The following SIK2 variants were observed in gnomAD, a reference collection of about 807,000 sequenced individuals.
SIK2 encodes the protein salt inducible kinase 2, also known as serine/threonine-protein kinase SIK2.
A neutral mutation model predicts 103.2 loss-of-function variants in SIK2; 29 were observed. That is an observed-to-expected ratio of 0.28 (90% CI 0.21 to 0.38). The LOEUF (loss-of-function observed/expected upper bound fraction) is 0.38, where lower values mean the gene tolerates loss of function less well. SIK2 is among the 10% of genes least tolerant of loss of function. The pLI, the probability that SIK2 is intolerant of heterozygous loss-of-function variation, is 1.00. For missense variants in SIK2, 879 were observed against 1,171.0 expected (o/e 0.75, Z 3.64); for synonymous variants, 412 against 446.1 (o/e 0.92, Z 0.96).
At chr11:111,679,053 A>G (rs1942744522) in intron 3 of SIK2, among the ~76,000 whole-genome samples, 1 of 152,232 alleles carries the variant, frequency 6.6e-6, no homozygotes, top group Non-Finnish European at 1.5e-5. Flanking sequence ...ACATTTTGAA[A>G]TCTTCCTAAG....
intron 3 of SIK2, among the ~76,000 whole-genome samples, chr11:111,674,749 ATTT>A (rs1205063442): frequency 6.9e-6 from 1 of 145,510 alleles, no homozygotes. Context: ...TACTGTGATA[ATTT>A]TTTTTTTTTT....
intron 3 of SIK2, among the ~76,000 whole-genome samples, chr11:111,632,431 C>T (rs1942051930): frequency 6.6e-6 from 1 of 152,128 alleles, no homozygotes; most frequent in Non-Finnish European, 1.5e-5. Context: ...TCTATATACC[C>T]TACCCTTAAA....
At position 111,723,982 on chromosome 11, in the gene SIK2, G is replaced by A. The variant is rs117627222; in HGVS notation, c.2634G>A (p.Thr878=). Residue 878 remains threonine, a synonymous_variant, in exon 15 of 15, where the codon ACG becomes ACA. Transcript: ENST00000304987. ...ATGGAGCCCAGCAGAGCGACCTAAC[G>A]GGGCCAGACTGTCCCAGAAGCCCAG... ...PVDGAQQSDL[T]GPDCPRSPGL... The A allele has an allele frequency of 2.7e-4, 435 of 1,614,108 alleles. 3 individuals carry two copies. The East Asian group carries it at 7.3e-3, about 27-fold the overall frequency.
At chr11:111,673,832 G>A (rs954219249) in intron 3 of SIK2, among the ~76,000 whole-genome samples, 7 of 152,102 alleles carry the variant, frequency 4.6e-5, no homozygotes, top group Non-Finnish European at 1.0e-4. Context: ...CCTAGCATTT[G>A]GGAGGCCAAG....
chr11:111,681,797 CCCCTA>C (rs1332274911), intron 3 of SIK2, among the ~76,000 whole-genome samples: 1 of 152,128 alleles, frequency 6.6e-6, no homozygotes, highest in African/African-American at 2.4e-5. Flanking sequence ...AATTTTGCAA[CCCCTA>C]ATGAAATCAT....
intron 2 of SIK2, among the ~76,000 whole-genome samples, chr11:111,619,693 G>T (rs923772321): frequency 3.3e-5 from 5 of 152,124 alleles, no homozygotes; most frequent in Non-Finnish European, 7.3e-5. Flanking sequence ...TGAAAAATCA[G>T]ATGTATGACG....
intron 3 of SIK2, among the ~76,000 whole-genome samples, chr11:111,654,976 T>C (rs1001195817): frequency 1.3e-5 from 2 of 152,266 alleles, no homozygotes; most frequent in Non-Finnish European, 2.9e-5. Flanking sequence ...GATTTCAGAA[T>C]ACATTACAAT....
At chr11:111,620,069 G>A (rs989227268) in intron 2 of SIK2, among the ~76,000 whole-genome samples, 4 of 152,164 alleles carry the variant, frequency 2.6e-5, no homozygotes, top group African/African-American at 7.2e-5. Context: ...GTATGTCTGG[G>A]ATGGGGCCTG....
At position 111,644,663 on chromosome 11, in the gene SIK2, CAG is replaced by C. The variant is rs1305376755; in HGVS notation, c.316+24263_316+24264del. ...TGAAGAAGAGGAAAACTAAAAAGCTCAGAAACTGTTATGAAGTTTTGCTGCCA... is the reference window on the plus strand; with the variant it reads ...TGAAGAAGAGGAAAACTAAAAAGCTCAAACTGTTATGAAGTTTTGCTGCCA... On this transcript the variant is annotated intron_variant, in intron 3 of 14. Coordinates refer to ENST00000304987, the MANE Select transcript of SIK2 (RefSeq NM_015191.3). Among the ~76,000 whole-genome samples, 4 of 152,112 alleles carry C rather than the reference CAG, an allele frequency of 2.6e-5. No individual in the cohort carries two copies. In the South Asian group the frequency reaches 6.2e-4, roughly 24 times the overall value.
chr11:111,672,416 G>A, intron 3 of SIK2: 1 of 359,148 alleles, frequency 2.8e-6, no homozygotes, highest in South Asian at 8.0e-5. Flanking sequence ...GTGGAGGCAG[G>A]AGTGGCCAAA....
intron 9 of SIK2, among the ~76,000 whole-genome samples, chr11:111,713,101 G>A (rs1190329920): frequency 1.3e-5 from 2 of 152,330 alleles, no homozygotes; most frequent in South Asian, 2.1e-4. Flanking sequence ...GGGGGCCGAG[G>A]TGGCAGTGAG....
intron 3 of SIK2, among the ~76,000 whole-genome samples, chr11:111,669,141 C>T (rs1942589601): frequency 6.6e-6 from 1 of 152,120 alleles, no homozygotes; most frequent in African/African-American, 2.4e-5. Flanking sequence ...CTCACATGGT[C>T]CTTTTCTCTA....
intron 2 of SIK2, among the ~76,000 whole-genome samples, chr11:111,617,737 T>G (rs1396454983): frequency 1.3e-5 from 2 of 152,164 alleles, no homozygotes; most frequent in African/African-American, 2.4e-5. Context: ...ATATTTGTTT[T>G]GTTGTGTATA....
At chr11:111,649,139 T>C (rs1942296117) in intron 3 of SIK2, among the ~76,000 whole-genome samples, 1 of 152,196 alleles carries the variant, frequency 6.6e-6, no homozygotes. Context: ...CTGTAGCTGG[T>C]TAAGATAGTG....
Position 111,719,793 on chromosome 11 carries a change from G to A in SIK2, c.1285G>A (p.Asp429Asn). The change falls in exon 10 of 15, where the codon GAC becomes AAC. Residue 429 changes from aspartate to asparagine, a missense_variant. Asp to Asn is a conservative substitution (Grantham distance 23, BLOSUM62 1). Around this residue, in one of 7 missense-constraint regions of SIK2, gnomAD observed 222 missense variants for 258.0 expected, o/e 0.86. Transcript: ENST00000304987. ...CGTTTAGGTCAATGGCTGTCTGCTTGACCCTGTGCCTCCTGTCCTGGTGCG... is the reference window on the plus strand; with the variant it reads ...CGTTTAGGTCAATGGCTGTCTGCTTAACCCTGTGCCTCCTGTCCTGGTGCG... ...DTPKVNGCLL[D>N]PVPPVLVRKG... 6.2e-7 allele frequency: 1 copy of A among 1,613,742 alleles called. No homozygotes were observed. Among genetic ancestry groups the A allele is most frequent in the Non-Finnish European group, 8.5e-7 (1 of 1,179,852 alleles).
chr11:111,709,964 T>G (rs999379795), intron 8 of SIK2, among the ~76,000 whole-genome samples: 1 of 152,186 alleles, frequency 6.6e-6, no homozygotes, highest in Non-Finnish European at 1.5e-5. Context: ...TGTGTCGTAG[T>G]TAGGGCATGG....
In SIK2 at chr11:111,724,349, G is replaced by A; in HGVS notation, c.*220G>A. ...CTGTGGCAAGTGCTGGAACATAGTT[G>A]TAGGCTGAGGCTCCTGCCCTTCGGT... On this transcript the variant is annotated 3_prime_UTR_variant, in exon 15 of 15. Transcript: ENST00000304987. 1 of 613,862 alleles carries A rather than the reference G, an allele frequency of 1.6e-6. No individual in the cohort carries two copies. Among genetic ancestry groups the A allele is most frequent in the East Asian group, 3.0e-5 (1 of 33,628 alleles). 38.0% of individuals were successfully genotyped at this position (613,862 alleles called of 1,614,324 possible).
chr11:111,660,872 G>T (rs1574556), intron 3 of SIK2, among the ~76,000 whole-genome samples: 6,346 of 108,944 alleles, frequency 0.058, no homozygotes, highest in African/African-American at 0.065. Context: ...TTTAGTTCTT[G>T]TTTTGTTTAA....
rs45617836 is a variant in SIK2, at chr11:111,728,559, G to A, written c.*4430G>A. 1,252 of 152,226 alleles carry A rather than the reference G, an allele frequency of 8.2e-3. 17 individuals carry two copies. Among genetic ancestry groups the A allele is most frequent in the Non-Finnish European group, 0.013 (854 of 68,074 alleles). 9.4% of individuals were successfully genotyped at this position (152,226 alleles called of 1,614,324 possible). A position where few individuals can be genotyped will look rare whatever the true frequency, so the allele number is the denominator to read the frequency against. Reference sequence around the variant, plus strand: ...CCACCTTGGCCTCCCAAAGTACTGGGATTACAGGTGTGAGCCACCACACCC... The same window carrying A: ...CCACCTTGGCCTCCCAAAGTACTGGAATTACAGGTGTGAGCCACCACACCC... On this transcript the variant is annotated 3_prime_UTR_variant, in exon 15 of 15. Coordinates refer to ENST00000304987, the MANE Select transcript of SIK2 (RefSeq NM_015191.3).
Sources: gnomAD v4.1 joint callset for allele counts (sites outside exome capture counted in the v4.1 genomes callset) on GRCh38, gnomAD v4.1.1 for gene constraint, gnomAD v4.1.1 regional missense constraint, MANE v1.5 for transcripts, NCBI Gene and HGNC (gene_info 2026-07-23, HGNC 2026-07-21) for gene names.